The following DEFB110 variants were observed in gnomAD, a reference collection of about 807,000 sequenced individuals.
DEFB110 encodes defensin beta 110, also known as beta-defensin 110.
DEFB110 carries 4 observed loss-of-function variants against 2.5 expected under a neutral mutation model. The ratio of observed to expected loss-of-function variants is 1.60; its 90% confidence interval spans 0.79 to 3.66. The LOEUF is 3.66. Ranked by LOEUF, DEFB110 falls within the 30% of genes most tolerant of loss-of-function variation. DEFB110 has a pLI of 0.01. For synonymous variants in DEFB110, 29 were observed against 21.8 expected (o/e 1.33, Z -0.92); for missense variants, 94 against 75.4 (o/e 1.25, Z -0.91).
In DEFB110 at chr6:50,021,872, G is replaced by T; in HGVS notation, c.55+9C>A. 1 of 1,555,182 alleles carries T rather than the reference G, an allele frequency of 6.4e-7. No individual in the cohort carries two copies. Among genetic ancestry groups the T allele is most frequent in the South Asian group, 1.3e-5 (1 of 79,830 alleles). ...TTAGTATAAATCCCCACAAATATTTGCATATTACCTGGTAAAATTGTGACC... is the reference window on the plus strand; with the variant it reads ...TTAGTATAAATCCCCACAAATATTTTCATATTACCTGGTAAAATTGTGACC... On this transcript the variant is annotated intron_variant, in intron 1 of 1. Coordinates refer to ENST00000371148, the MANE Select transcript of DEFB110 (RefSeq NM_001037497.2).
chr6:50,020,875 C>T (rs1224674312), intron 1 of DEFB110, among the ~76,000 whole-genome samples: 2 of 152,144 alleles, frequency 1.3e-5, no homozygotes, highest in African/African-American at 4.8e-5. Flanking sequence ...TTATCAAACC[C>T]ATATGTGATT....
At chr6:50,016,591 G>C (rs945884354), downstream of DEFB110, among the ~76,000 whole-genome samples, 2 of 151,612 alleles carry the variant, frequency 1.3e-5, no homozygotes, top group Non-Finnish European at 3.0e-5. Flanking sequence ...TTAGACAAAT[G>C]TAAATTCTGG....
chr6:50,013,510 T>C (rs1479828973), intron 1 of DEFB110, among the ~76,000 whole-genome samples: 3 of 151,820 alleles, frequency 2.0e-5, no homozygotes, highest in Non-Finnish European at 4.4e-5. Flanking sequence ...AATGGAGTGG[T>C]AAAACTGATG....
intron 1 of DEFB110, among the ~76,000 whole-genome samples, chr6:50,011,323 A>C (rs1774224637): frequency 6.6e-6 from 1 of 152,006 alleles, no homozygotes; most frequent in African/African-American, 2.4e-5. Context: ...GTTTGGAGGA[A>C]AGATGCATAG....
intron 1 of DEFB110, among the ~76,000 whole-genome samples, chr6:50,020,147 A>G (rs1774393937): frequency 6.6e-6 from 1 of 152,144 alleles, no homozygotes; most frequent in South Asian, 2.1e-4. Context: ...AAATTTGCAC[A>G]TTATAAGAAA....
intron 1 of DEFB110, among the ~76,000 whole-genome samples, chr6:50,020,345 T>C (rs958215414): frequency 7.2e-5 from 11 of 152,086 alleles, no homozygotes; most frequent in African/African-American, 2.7e-4. Context: ...TTTTTTTAAG[T>C]TTATATTTTA....
chr6:50,017,068 T>C (rs1019880895), downstream of DEFB110, among the ~76,000 whole-genome samples: 1 of 151,782 alleles, frequency 6.6e-6, no homozygotes, highest in Admixed American at 6.6e-5. Context: ...GATGTCTTGA[T>C]GGAGAGAGGG....
intron 1 of DEFB110, among the ~76,000 whole-genome samples, chr6:50,019,417 C>T (rs1774379632): frequency 6.6e-6 from 1 of 152,078 alleles, no homozygotes; most frequent in South Asian, 2.1e-4. Context: ...ATCTTTTGGT[C>T]AGACTCTCTC....
In DEFB110 at chr6:50,019,015, A is replaced by G. The variant is rs142467717; in HGVS notation, c.166T>C (p.Cys56Arg). 4.3e-6 allele frequency: 7 copies of G among 1,612,968 alleles called. No individual in the cohort carries two copies. In the African/African-American group the frequency reaches 5.3e-5, roughly 12 times the overall value. Residue 56 changes from cysteine (C) to arginine (R), a missense_variant, in exon 2 of 2, where the codon TGC (cysteine) becomes CGC (arginine). Cys to Arg is a radical substitution (Grantham distance 180). Transcript: ENST00000371148. Reference protein sequence around the residue: ...CHENEIRIAYCIRPGTHCCLQ... With the variant: ...CHENEIRIAYRIRPGTHCCLQ... Reference sequence around the variant, plus strand: ...CAGCAATGAGTTCCAGGTCTTATGCAGTAAGCAATCCTAATTTCATTTTCA... The same window carrying G: ...CAGCAATGAGTTCCAGGTCTTATGCGGTAAGCAATCCTAATTTCATTTTCA...
At chr6:50,017,543 C>G (rs1007467316), downstream of DEFB110, among the ~76,000 whole-genome samples, 93 of 151,888 alleles carry the variant, frequency 6.1e-4, no homozygotes, top group African/African-American at 2.2e-3. Context: ...ATATAACGAG[C>G]AGAATAGCTC....
chr6:50,021,931 T>A lies in DEFB110; in HGVS notation c.5A>T (p.Lys2Met), dbSNP rs778591757. 20 of 1,557,214 alleles carry A rather than the reference T, an allele frequency of 1.3e-5. No individual in the cohort carries two copies. Among genetic ancestry groups the A allele is most frequent in the Non-Finnish European group, 1.7e-5 (20 of 1,160,524 alleles). M[K>M]IQLFFFILHF... Reference sequence around the variant, plus strand: ...CAGAATAAAGAAAAAAAGTTGAATCTTCATGGTAGAGAGTTTCTTAAAAAA... The same window carrying A: ...CAGAATAAAGAAAAAAAGTTGAATCATCATGGTAGAGAGTTTCTTAAAAAA... The change falls in exon 1 of 2, where the codon AAG becomes ATG. Residue 2 changes from lysine to methionine, a missense_variant. Transcript: ENST00000371148.
intron 1 of DEFB110, among the ~76,000 whole-genome samples, chr6:50,010,378 T>C (rs1412734409): frequency 6.6e-6 from 1 of 151,850 alleles, no homozygotes; most frequent in Non-Finnish European, 1.5e-5. Flanking sequence ...TTTATTTTAG[T>C]ACCTAGTATT....
At chr6:50,013,238 G>T (rs1278450435) in intron 1 of DEFB110, among the ~76,000 whole-genome samples, 2 of 151,766 alleles carry the variant, frequency 1.3e-5, no homozygotes, top group Non-Finnish European at 2.9e-5. Context: ...CAATATATAT[G>T]CTTCATTGCT....
rs758483289 is a variant in DEFB110, at chr6:50,019,004, A to G, written c.177T>C (p.Pro59=). The change falls in exon 2 of 2, where the codon CCT becomes CCC. Residue 59 remains proline (P), a synonymous_variant. Coordinates refer to ENST00000371148, the MANE Select transcript of DEFB110 (RefSeq NM_001037497.2). The part of the protein sequence containing the change: ...NEIRIAYCIR[P]GTHCCLQQ ...ACTGCTGCAAGCAGCAATGAGTTCC[A>G]GGTCTTATGCAGTAAGCAATCCTAA... The G allele has an allele frequency of 1.9e-6, 3 of 1,612,528 alleles. No individual in the cohort carries two copies. Among genetic ancestry groups the G allele is most frequent in the Non-Finnish European group, 2.5e-6 (3 of 1,179,184 alleles).
chr6:50,018,465 C>A (rs768362602), downstream of DEFB110, among the ~76,000 whole-genome samples: 1 of 151,978 alleles, frequency 6.6e-6, no homozygotes, highest in Non-Finnish European at 1.5e-5. Flanking sequence ...TTCTTATACT[C>A]ATGATCCTTT....
chr6:50,021,032 C>G (rs983173819), intron 1 of DEFB110, among the ~76,000 whole-genome samples: 1 of 152,068 alleles, frequency 6.6e-6, no homozygotes, highest in Non-Finnish European at 1.5e-5. Context: ...ACATTATTGT[C>G]TTCTTTCTCC....
chr6:50,016,267 T>C (rs543211982), downstream of DEFB110, among the ~76,000 whole-genome samples: 6 of 151,952 alleles, frequency 3.9e-5, no homozygotes, highest in South Asian at 6.2e-4. Context: ...AATTGATTCA[T>C]ATGGGTATTG....
chr6:50,016,990 G>T (rs1047466218), downstream of DEFB110, among the ~76,000 whole-genome samples: 1 of 151,168 alleles, frequency 6.6e-6, no homozygotes, highest in South Asian at 2.1e-4. Context: ...CTTCTTGGTG[G>T]GTCCTAACAA....
downstream of DEFB110, among the ~76,000 whole-genome samples, chr6:50,016,534 C>A (rs1234159611): frequency 6.6e-6 from 1 of 151,646 alleles, no homozygotes; most frequent in Non-Finnish European, 1.5e-5. Context: ...GAAATATTTC[C>A]ATTTTTAAGC....
Sources: gnomAD v4.1 joint callset for allele counts (sites outside exome capture counted in the v4.1 genomes callset) on GRCh38, gnomAD v4.1.1 for gene constraint, MANE v1.5 for transcripts, NCBI Gene and HGNC (gene_info 2026-07-23, HGNC 2026-07-21) for gene names.